RPGR: variants seen among roughly 807,000 people sequenced by gnomAD.
RPGR encodes X-linked retinitis pigmentosa GTPase regulator.
Under a neutral mutation model 56.3 loss-of-function variants are expected in RPGR, and 10 were observed. The observed-to-expected ratio is 0.18, with a 90% CI of 0.11 to 0.30. The LOEUF is 0.30. RPGR is among the 10% of genes least tolerant of loss of function. The pLI is 1.00. For synonymous variants in RPGR, 197 were observed against 212.9 expected (o/e 0.93, Z 0.65); for missense variants, 538 against 590.9 (o/e 0.91, Z 0.93).
chrX:38,299,971 T>TG (rs1250325263), intron 9 of RPGR, among the ~76,000 whole-genome samples: 2 of 110,813 alleles, frequency 1.8e-5, no homozygotes, highest in African/African-American at 6.6e-5. Context: ...TTTTTTGAGA[T>TG]GGAGTTTTAC....
chrX:38,315,838 T>TAGAGAG (rs34373117), intron 6 of RPGR, among the ~76,000 whole-genome samples: 3,010 of 90,763 alleles, frequency 0.033, 131 homozygotes, highest in African/African-American at 0.11. Flanking sequence ...TATATATATA[T>TAGAGAG]AGAGAGAGAG....
Position 38,269,361 on chromosome X carries a change from A to G in RPGR, c.*265T>C. 5.2e-6 allele frequency: 1 copy of G among 193,334 alleles called. No homozygotes were observed. The highest frequency in any genetic ancestry group is 9.4e-6 in the Non-Finnish European group (1 of 106,060). The allele number at this position is 193,334 out of a possible 1,213,427, so 15.9% of individuals were successfully genotyped here. ...TATCTTATTTCAATTTTCCACATAT[A>G]AAAATATATTTTTTATTGCAATACT... On this transcript the variant is annotated 3_prime_UTR_variant, in exon 19 of 19. Transcript: ENST00000642395.
intron 6 of RPGR, among the ~76,000 whole-genome samples, chrX:38,312,152 AT>A (rs1034248644): frequency 8.9e-6 from 1 of 111,916 alleles, no homozygotes; most frequent in African/African-American, 3.2e-5. Context: ...AGCTATATTG[AT>A]TTTCTGAATT....
chrX:38,273,597 T>C, intron 17 of RPGR: 2 of 501,788 alleles, frequency 4.0e-6, no homozygotes, highest in Non-Finnish European at 3.4e-6. Flanking sequence ...AGCTCACCCC[T>C]GGAGTAGTGG....
chrX:38,284,937 G>A (rs925475430), intron 15 of RPGR: 44 of 751,834 alleles, frequency 5.9e-5, no homozygotes, highest in Admixed American at 2.6e-4. Context: ...AAGAGATCAC[G>A]TTTTTGGGAT....
At chrX:38,280,137 G>A (rs1458955040) in intron 15 of RPGR, among the ~76,000 whole-genome samples, 1 of 110,619 alleles carries the variant, frequency 9.0e-6, no homozygotes, top group Non-Finnish European at 1.9e-5. Flanking sequence ...TACCTCAGAG[G>A]GTTTGTGTAA....
chrX:38,327,391 G>C lies in RPGR; in HGVS notation c.-24C>G, dbSNP rs892877476. 8.5e-7 allele frequency: 1 copy of C among 1,176,123 alleles called. No homozygotes were observed. The highest frequency in any genetic ancestry group is 1.1e-6 in the Non-Finnish European group (1 of 877,796). On this transcript the variant is annotated 5_prime_UTR_variant, in exon 1 of 19. Coordinates refer to ENST00000642395, the MANE Select transcript of RPGR (RefSeq NM_000328.3). ...ATGCCACGGGCAGTACGGGCAGCCT[G>C]CGCCGGGGCCAGGAGGCTGTAGAGG...
In RPGR at chrX:38,322,890, T is replaced by A; in HGVS notation, c.210A>T (p.Gly70=). The A allele has an allele frequency of 8.3e-7, 1 of 1,210,705 alleles. No individual in the cohort carries two copies. Among genetic ancestry groups the A allele is most frequent in the Non-Finnish European group, 1.1e-6 (1 of 894,538 alleles). The change falls in exon 3 of 19, where the codon GGA becomes GGT. Residue 70 remains glycine, a synonymous_variant. Transcript: ENST00000642395. ...TTGGCTTGCTGATGGCTGACTTTGA[T>A]CCTAATCCTAACTGACCCCAGTTGT... is the stretch of plus-strand genomic sequence containing the variant.
intron 4 of RPGR, among the ~76,000 whole-genome samples, chrX:38,319,431 A>C (rs1569259505): frequency 4.5e-5 from 5 of 112,352 alleles, no homozygotes. Flanking sequence ...ATCTAATTAG[A>C]AACATGATAA....
chrX:38,302,960 G>A (rs1056094671), intron 8 of RPGR, among the ~76,000 whole-genome samples: 6 of 109,349 alleles, frequency 5.5e-5, no homozygotes, highest in Non-Finnish European at 9.5e-5. Flanking sequence ...ACAGGCACGC[G>A]CTGCCATGCT....
chrX:38,284,462 A>C (rs1383822847), intron 15 of RPGR: 1 of 750,280 alleles, frequency 1.3e-6, no homozygotes, highest in Non-Finnish European at 1.6e-6. Context: ...AGACAAACTG[A>C]AATTACAGAA....
At chrX:38,309,024 A>G (rs1400625877) in intron 7 of RPGR, among the ~76,000 whole-genome samples, 1 of 112,419 alleles carries the variant, frequency 8.9e-6, no homozygotes, top group African/African-American at 3.2e-5. Context: ...GTGACTTCAC[A>G]AACTGTTAAT....
intron 15 of RPGR, chrX:38,285,625 T>C: frequency 8.3e-7 from 1 of 1,211,739 alleles, no homozygotes; most frequent in Non-Finnish European, 1.1e-6. Context: ...TCGTTTTGAC[T>C]GGACTGGCAT....
intron 18 of RPGR, among the ~76,000 whole-genome samples, chrX:38,272,150 C>G (rs1182536392): frequency 2.8e-5 from 3 of 108,095 alleles, no homozygotes; most frequent in African/African-American, 1.1e-4. Context: ...AAGACATGTA[C>G]CCATAAAATA....
At chrX:38,309,970 TTTTTTGTTTGTTTTTC>T (rs1420853572) in intron 7 of RPGR, among the ~76,000 whole-genome samples, 5 of 111,718 alleles carry the variant, frequency 4.5e-5, no homozygotes, top group Non-Finnish European at 9.4e-5. Context: ...TGAGAATCTT[TTTTTTGTTTGTTTTTC>T]TTTTTGTTTT....
intron 6 of RPGR, among the ~76,000 whole-genome samples, chrX:38,311,694 T>G (rs1472841475): frequency 8.9e-6 from 1 of 111,776 alleles, no homozygotes; most frequent in Non-Finnish European, 1.9e-5. Flanking sequence ...TCAGGGCTGC[T>G]TGCACAAACA....
intron 16 of RPGR, among the ~76,000 whole-genome samples, chrX:38,276,351 C>T (rs1417525681): frequency 8.9e-6 from 1 of 111,956 alleles, no homozygotes; most frequent in Non-Finnish European, 1.9e-5. Flanking sequence ...TCTACTTCCA[C>T]TCATGCGGGA....
intron 9 of RPGR, 104 bp from the exon 10 acceptor site, chrX:38,299,245 TAGAC>T (rs2067455010): frequency 2.4e-6 from 2 of 833,728 alleles, no homozygotes; most frequent in Admixed American, 5.2e-5. Flanking sequence ...GTAGGCTTCC[TAGAC>T]AGACTGGCTT....
At chrX:38,299,948 CT>C (rs776161875) in intron 9 of RPGR, among the ~76,000 whole-genome samples, 1 of 110,167 alleles carries the variant, frequency 9.1e-6, no homozygotes, top group African/African-American at 3.3e-5. Flanking sequence ...CTTTGTATTT[CT>C]TTTTTTTCTT....
Sources: gnomAD v4.1 joint callset for allele counts (sites outside exome capture counted in the v4.1 genomes callset) on GRCh38, gnomAD v4.1.1 for gene constraint, MANE v1.5 for transcripts, NCBI Gene and HGNC (gene_info 2026-07-23, HGNC 2026-07-21) for gene names.